Variants in HPSE2 observed in about 807,000 individuals in gnomAD.
The protein encoded by HPSE2 is heparanase 2 (inactive), also known as inactive heparanase-2.
Under a neutral mutation model 60.5 loss-of-function variants are expected in HPSE2, and 38 were observed. That is an observed-to-expected ratio of 0.63 (90% confidence interval 0.48 to 0.82). HPSE2 has a LOEUF of 0.82. HPSE2 is among the 40% of genes least tolerant of loss of function. The pLI is 0.00. For missense variants in HPSE2, 713 were observed against 740.4 expected, an observed-to-expected ratio of 0.96 and a Z score of 0.43; for synonymous variants, 295 against 293.2, an observed-to-expected ratio of 1.01 and a Z score of -0.06.
At chr10:98,772,475 T>C (rs1950262074) in intron 3 of HPSE2, among the ~76,000 whole-genome samples, 1 of 152,184 alleles carries the variant, frequency 6.6e-6, no homozygotes, top group Non-Finnish European at 1.5e-5. Flanking sequence ...TTATATATTA[T>C]AATTCTCCTT....
chr10:98,963,173 C>G (rs1955724448), intron 3 of HPSE2, among the ~76,000 whole-genome samples: 1 of 152,050 alleles, frequency 6.6e-6, no homozygotes, highest in Admixed American at 6.6e-5. Flanking sequence ...TACTTTCTGA[C>G]CTTCTATCAT....
chr10:99,117,417 GAAAAAAAAAAAA>G (rs1157232317), intron 3 of HPSE2, among the ~76,000 whole-genome samples: 4 of 24,816 alleles, frequency 1.6e-4, no homozygotes, highest in South Asian at 3.6e-3. Flanking sequence ...TTGTTTTTTT[GAAAAAAAAAAAA>G]AAAAAAAAAA....
chr10:98,666,144 G>A (rs186488908), intron 6 of HPSE2, among the ~76,000 whole-genome samples: 219 of 152,266 alleles, frequency 1.4e-3, no homozygotes, highest in Non-Finnish European at 2.6e-3. Flanking sequence ...TCTTGTATCA[G>A]ATAAAACAGA....
At chr10:98,805,292 C>A (rs891905131) in intron 3 of HPSE2, among the ~76,000 whole-genome samples, 3 of 151,960 alleles carry the variant, frequency 2.0e-5, no homozygotes, top group Non-Finnish European at 4.4e-5. Flanking sequence ...AAAATTGTAA[C>A]CTTTGGCATA....
chr10:99,175,981 CCTGG>C (rs2133815564), intron 2 of HPSE2, among the ~76,000 whole-genome samples: 1 of 152,212 alleles, frequency 6.6e-6, no homozygotes, highest in Non-Finnish European at 1.5e-5. Context: ...AGGCAAATGG[CCTGG>C]AGTGGACCTC....
At chr10:98,606,377 C>A (rs1183501604) in intron 9 of HPSE2, among the ~76,000 whole-genome samples, 3 of 152,204 alleles carry the variant, frequency 2.0e-5, no homozygotes, top group African/African-American at 7.2e-5. Context: ...AATATCAACA[C>A]CTGGGATCCT....
chr10:99,219,618 C>A (rs1488888183), intron 2 of HPSE2, among the ~76,000 whole-genome samples: 1 of 152,194 alleles, frequency 6.6e-6, no homozygotes, highest in African/African-American at 2.4e-5. Flanking sequence ...GTAATGAGTT[C>A]TAATCCCAGC....
chr10:99,299,231 C>T, the HPSE2 span, among the ~76,000 whole-genome samples: 16 of 152,256 alleles, frequency 1.1e-4, no homozygotes, highest in African/African-American at 2.9e-4. Flanking sequence ...TCATCCAACA[C>T]GCCCTGGTCC....
At chr10:98,843,423 C>T (rs1012257202) in intron 3 of HPSE2, among the ~76,000 whole-genome samples, 34 of 152,140 alleles carry the variant, frequency 2.2e-4, no homozygotes, top group Admixed American at 5.9e-4. Context: ...ATATAGAACA[C>T]AATATATTAT....
chr10:99,237,043 G>A (rs1461432463), upstream of HPSE2, among the ~76,000 whole-genome samples: 1 of 152,074 alleles, frequency 6.6e-6, no homozygotes, highest in African/African-American at 2.4e-5. Context: ...ATAACAGCCG[G>A]AAGCCGCTGT....
chr10:99,139,575 T>A (rs1184823258), intron 3 of HPSE2, among the ~76,000 whole-genome samples: 1 of 152,202 alleles, frequency 6.6e-6, no homozygotes, highest in Non-Finnish European at 1.5e-5. Context: ...TTATGATGTT[T>A]ACTATATTTA....
chr10:99,267,100 A>C, the HPSE2 span, among the ~76,000 whole-genome samples: 3 of 152,008 alleles, frequency 2.0e-5, no homozygotes, highest in Non-Finnish European at 2.9e-5. Flanking sequence ...GTTCTTTAAC[A>C]CCCCCCAAAA....
At chr10:98,979,995 A>G (rs549663580) in intron 3 of HPSE2, among the ~76,000 whole-genome samples, 59 of 152,196 alleles carry the variant, frequency 3.9e-4, no homozygotes, top group Non-Finnish European at 7.1e-4. Flanking sequence ...AAACTAACAC[A>G]TTCTATGTCA....
chr10:99,285,688 G>A, the HPSE2 span, among the ~76,000 whole-genome samples: 1 of 152,090 alleles, frequency 6.6e-6, no homozygotes, highest in Non-Finnish European at 1.5e-5. Flanking sequence ...CAGCACTTTG[G>A]GAGGCCAAGG....
chr10:98,579,059 C>A (rs1486579609), intron 9 of HPSE2, among the ~76,000 whole-genome samples: 1 of 151,370 alleles, frequency 6.6e-6, no homozygotes, highest in African/African-American at 2.4e-5. Flanking sequence ...AGATCTATAC[C>A]AATTAGCTTA....
At chr10:99,064,726 T>C (rs531966198) in intron 3 of HPSE2, among the ~76,000 whole-genome samples, 1 of 145,328 alleles carries the variant, frequency 6.9e-6, no homozygotes, top group South Asian at 2.2e-4. Context: ...ATACACCTTA[T>C]CAACCAAAAA....
At chr10:98,847,359 G>A (rs1278966329) in intron 3 of HPSE2, among the ~76,000 whole-genome samples, 3 of 152,146 alleles carry the variant, frequency 2.0e-5, no homozygotes, top group African/African-American at 7.2e-5. Context: ...TTTAATGTCT[G>A]TAACAACCCT....
At chr10:98,722,390 T>C (rs538019693) in intron 4 of HPSE2, among the ~76,000 whole-genome samples, 8 of 151,808 alleles carry the variant, frequency 5.3e-5, no homozygotes, top group African/African-American at 1.7e-4. Flanking sequence ...AGGCATGGAA[T>C]AGATTCTCTC....
chr10:99,013,769 A>C, intron 3 of HPSE2: 1 of 253,300 alleles, frequency 3.9e-6, no homozygotes, highest in Non-Finnish European at 8.5e-6. Context: ...ACCAGCTGGA[A>C]ACATGTATTA....
Sources: gnomAD v4.1 joint callset for allele counts (sites outside exome capture counted in the v4.1 genomes callset) on GRCh38, gnomAD v4.1.1 for gene constraint, MANE v1.5 for transcripts, NCBI Gene and HGNC (gene_info 2026-07-23, HGNC 2026-07-21) for gene names.